The following ACSM5 variants were observed in gnomAD, a reference collection of about 807,000 sequenced individuals.
ACSM5 encodes acyl-coenzyme A synthetase ACSM5, mitochondrial.
Under a neutral mutation model 71.6 loss-of-function variants are expected in ACSM5, and 56 were observed. The ratio of observed to expected loss-of-function variants is 0.78; its 90% CI spans 0.63 to 0.98. The LOEUF (loss-of-function observed/expected upper bound fraction) is 0.98. Among genes scored for constraint, ACSM5 ranks in the 50% least tolerant of loss-of-function variants. The pLI is 0.00. For synonymous variants in ACSM5, 285 were observed against 281.5 expected, an observed-to-expected ratio of 1.01 and a Z score of -0.12; for missense variants, 723 against 726.0, an observed-to-expected ratio of 1.00 and a Z score of 0.05.
chr16:20,430,830 A>G (rs1361485882), intron 8 of ACSM5, among the ~76,000 whole-genome samples, 163 bp from the exon 9 acceptor site: 3 of 148,440 alleles, frequency 2.0e-5, no homozygotes, highest in Non-Finnish European at 4.5e-5. Context: ...GGGAGGAAGA[A>G]TGGAGAGAAA....
Position 20,427,770 on chromosome 16 carries a change from C to G in ACSM5, c.922-18C>G. ...CCAATGATTCTAAGGACATCTTTCA[C>G]CCTTTGTTTTTGTTTAGACTCTCTC... On this transcript the variant is annotated intron_variant, in intron 6 of 13. Transcript: ENST00000331849. 6.4e-7 allele frequency: 1 copy of G among 1,568,836 alleles called. No homozygotes were observed. The highest frequency in any genetic ancestry group is 8.8e-7 in the Non-Finnish European group (1 of 1,139,018).
chr16:20,412,005 CTCTG>C (rs1191030663), intron 2 of ACSM5: 2 of 358,650 alleles, frequency 5.6e-6, no homozygotes, highest in African/African-American at 4.2e-5. Flanking sequence ...TTTGCTGCTA[CTCTG>C]TCTTTGATGT....
intron 3 of ACSM5, 78 bp downstream of exon 3, chr16:20,418,347 A>G: frequency 7.3e-7 from 1 of 1,374,594 alleles, no homozygotes; most frequent in Admixed American, 2.5e-5. Flanking sequence ...CAGGGTCTTG[A>G]AGATGGAGCA....
At chr16:20,417,984 A>T in intron 2 of ACSM5, 75 bp from the exon 3 acceptor site, 1 of 1,388,070 alleles carries the variant, frequency 7.2e-7, no homozygotes, top group Non-Finnish European at 9.9e-7. Context: ...CTATTATAAA[A>T]CATTAAACAG....
chr16:20,425,094 ATTCT>A (rs1966952400), intron 6 of ACSM5, among the ~76,000 whole-genome samples: 1 of 152,190 alleles, frequency 6.6e-6, no homozygotes, highest in Admixed American at 6.5e-5. Context: ...TTATTCATTC[ATTCT>A]ATTATTTTGG....
intron 2 of ACSM5, among the ~76,000 whole-genome samples, chr16:20,417,816 A>C (rs1483314245): frequency 2.0e-5 from 3 of 152,226 alleles, no homozygotes; most frequent in Non-Finnish European, 4.4e-5. Flanking sequence ...TGCCTAAAGA[A>C]ACTATGGAAG....
rs139646135 is a variant in ACSM5, at chr16:20,419,275, A to C, written c.463A>C (p.Lys155Gln). 433 of 1,614,006 alleles carry C rather than the reference A, an allele frequency of 2.7e-4. No homozygotes were observed. The highest frequency in any genetic ancestry group is 3.6e-4 in the Non-Finnish European group (422 of 1,180,026). ...GVTQLTEKDL[K>Q]YRLQASRAKS... ...GACTCAGCTGACAGAGAAGGACCTC[A>C]AGTACCGGCTGCAGGCGTCCAGGGC... is the stretch of plus-strand genomic sequence containing the variant. The change falls in exon 4 of 14, where the codon AAG becomes CAG. Residue 155 changes from lysine (K) to glutamine (Q), a missense_variant. Transcript: ENST00000331849.
chr16:20,418,903 C>A (rs1309512545), intron 3 of ACSM5, among the ~76,000 whole-genome samples: 1 of 152,124 alleles, frequency 6.6e-6, no homozygotes, highest in Non-Finnish European at 1.5e-5. Flanking sequence ...TTATCCCTTG[C>A]AGGAGGTTAG....
intron 6 of ACSM5, among the ~76,000 whole-genome samples, chr16:20,426,325 G>A (rs530802009): frequency 3.9e-5 from 6 of 152,216 alleles, no homozygotes; most frequent in East Asian, 3.9e-4. Context: ...AAATTATACC[G>A]AAACTTAGCA....
chr16:20,437,275 A>G lies in ACSM5; in HGVS notation c.1444A>G (p.Ile482Val). Reference sequence around the variant, plus strand: ...TTTGTTTTTCCCTTCCAGCTACCGGATCGGGCCTGTTGAAGTGGAAAGTGC... The same window carrying G: ...TTTGTTTTTCCCTTCCAGCTACCGGGTCGGGCCTGTTGAAGTGGAAAGTGC... ...DDVINSSSYRIGPVEVESALA... is the reference protein window; with the variant it reads ...DDVINSSSYRVGPVEVESALA... Residue 482 changes from isoleucine (I) to valine (V), a missense_variant, in exon 12 of 14, where the codon ATC becomes GTC. Ile to Val is a conservative substitution (Grantham distance 29). Coordinates refer to ENST00000331849, the MANE Select transcript of ACSM5 (RefSeq NM_017888.3). 6.2e-7 allele frequency: 1 copy of G among 1,614,128 alleles called. No homozygotes were observed. Among genetic ancestry groups the G allele is most frequent in the Non-Finnish European group, 8.5e-7 (1 of 1,180,022 alleles).
intron 7 of ACSM5, among the ~76,000 whole-genome samples, chr16:20,429,166 A>C (rs1160313778): frequency 6.6e-6 from 1 of 152,050 alleles, no homozygotes; most frequent in Non-Finnish European, 1.5e-5. Context: ...ATGTGCCACC[A>C]TACCCAGCTA....
chr16:20,411,711 G>A (rs111864451), intron 2 of ACSM5, 23 bp downstream of exon 2: 62,341 of 1,611,442 alleles, frequency 0.039, 1,443 homozygotes, highest in South Asian at 0.071. Flanking sequence ...CTGTCCTAGA[G>A]TCCATCTGGG....
chr16:20,437,216 T>C, intron 11 of ACSM5, 37 bp downstream of exon 11: 1 of 1,614,114 alleles, frequency 6.2e-7, no homozygotes, highest in Non-Finnish European at 8.5e-7. Flanking sequence ...CCTTTGAAAT[T>C]TCATGGGGGT....
At position 20,440,498 on chromosome 16, in the gene ACSM5, C is replaced by G. The variant is rs1361784837; in HGVS notation, c.*71C>G. On this transcript the variant is annotated 3_prime_UTR_variant, in exon 14 of 14. Transcript: ENST00000331849. Reference sequence around the variant, plus strand: ...AAACTAATGGATCACTGGTCAGTCCCCATGGGGAGCATCATCTCTTCGACC... The same window carrying G: ...AAACTAATGGATCACTGGTCAGTCCGCATGGGGAGCATCATCTCTTCGACC... 5.9e-6 allele frequency: 8 copies of G among 1,363,576 alleles called. No individual in the cohort carries two copies. The highest frequency in any genetic ancestry group is 8.4e-6 in the Non-Finnish European group (8 of 954,034). The allele number at this position is 1,363,576 out of a possible 1,614,324, so 84.5% of individuals were successfully genotyped here.
At position 20,418,551 on chromosome 16, in the gene ACSM5, C is replaced by A. The variant is rs189843844; in HGVS notation, c.415+282C>A. Among the ~76,000 whole-genome samples, 3 of 152,260 alleles carry A rather than the reference C, an allele frequency of 2.0e-5. 1 individual carries two copies. In the East Asian group the frequency reaches 5.8e-4, roughly 29 times the overall value. On this transcript the variant is annotated intron_variant, in intron 3 of 13. Transcript: ENST00000331849. ...TGGGGTCGCTGCTTCTCAACTCGAACCAAATGTTCCCACGACAGAATGAAT... is the reference window on the plus strand; with the variant it reads ...TGGGGTCGCTGCTTCTCAACTCGAAACAAATGTTCCCACGACAGAATGAAT...
rs758652837 is a variant in ACSM5, at chr16:20,429,756, C to G, written c.1080C>G (p.His360Gln). The change falls in exon 8 of 14, where the codon CAC becomes CAG. Residue 360 changes from histidine (H) to glutamine (Q), a missense_variant. Physicochemically the swap from His to Gln is conservative, Grantham distance 24. Coordinates refer to ENST00000331849, the MANE Select transcript of ACSM5 (RefSeq NM_017888.3). ...CTGACGTGAGGGAGAAGTGGAAACA[C>G]CAGACTGGTGTGGAGCTGTACGAAG... ...LNPDVREKWK[H>Q]QTGVELYEGY... 1 of 1,610,892 alleles carries G rather than the reference C, an allele frequency of 6.2e-7. No individual in the cohort carries two copies. The highest frequency in any genetic ancestry group is 8.5e-7 in the Non-Finnish European group (1 of 1,178,644).
At chr16:20,421,823 C>T (rs1966887837) in intron 5 of ACSM5, among the ~76,000 whole-genome samples, 2 of 151,438 alleles carry the variant, frequency 1.3e-5, no homozygotes, top group African/African-American at 4.9e-5. Context: ...TTTATCTTTC[C>T]AAATGAGAAC....
chr16:20,423,155 A>G lies in ACSM5; in HGVS notation c.768-761A>G, dbSNP rs1043807837. On this transcript the variant is annotated intron_variant, in intron 5 of 13. Coordinates refer to ENST00000331849, the MANE Select transcript of ACSM5 (RefSeq NM_017888.3). ...AAGTGTAATATAAACTGAAAAGAGAATGGGTCTCAGGACTGAGTGCCCGAG... is the reference window on the plus strand; with the variant it reads ...AAGTGTAATATAAACTGAAAAGAGAGTGGGTCTCAGGACTGAGTGCCCGAG... Among the ~76,000 whole-genome samples, 9 of 152,322 alleles carry G rather than the reference A, an allele frequency of 5.9e-5. No homozygotes were observed. The East Asian group carries it at 1.5e-3, about 26-fold the overall frequency.
At position 20,421,354 on chromosome 16, in the gene ACSM5, C is replaced by T. The variant is rs767280617; in HGVS notation, c.720C>T (p.Val240=). 23 of 1,608,702 alleles carry T rather than the reference C, an allele frequency of 1.4e-5. No individual in the cohort carries two copies. Among genetic ancestry groups the T allele is most frequent in the East Asian group, 4.5e-5 (2 of 44,488 alleles). ...GAACCACCGGGGCCCCCAAGATGGT[C>T]GAGCACTCCCAGAGCAGCTACGGAC... ...TSGTTGAPKM[V]EHSQSSYGLG... Residue 240 remains valine, a synonymous_variant, in exon 5 of 14, where the codon GTC becomes GTT. Transcript: ENST00000331849.
Sources: gnomAD v4.1 joint callset for allele counts (sites outside exome capture counted in the v4.1 genomes callset) on GRCh38, gnomAD v4.1.1 for gene constraint, MANE v1.5 for transcripts, NCBI Gene and HGNC (gene_info 2026-07-23, HGNC 2026-07-21) for gene names.